The following PTGER3 variants were observed in gnomAD, a reference collection of about 807,000 sequenced individuals.
PTGER3 encodes prostaglandin E2 receptor EP3 subtype.
Under a neutral mutation model 34.7 loss-of-function variants are expected in PTGER3, and 22 were observed. The observed-to-expected ratio is 0.63, with a 90% CI of 0.45 to 0.91. The LOEUF (loss-of-function observed/expected upper bound fraction) is 0.91. Ranked by LOEUF, PTGER3 falls within the 40% of genes least tolerant of loss-of-function variation. PTGER3 has a pLI of 0.00. For missense variants in PTGER3, 468 were observed against 519.4 expected (o/e 0.90, Z 0.96); for synonymous variants, 241 against 230.1 (o/e 1.05, Z -0.43).
At chr1:71,039,642 T>C (rs1660122067) in intron 1 of PTGER3, among the ~76,000 whole-genome samples, 1 of 117,336 alleles carries the variant, frequency 8.5e-6, no homozygotes, top group Admixed American at 9.5e-5. Flanking sequence ...AGAGCGAGAC[T>C]CTGTCTCAAA....
intron 4 of PTGER3, among the ~76,000 whole-genome samples, chr1:70,932,833 T>C (rs1398620021): frequency 6.6e-6 from 1 of 152,076 alleles, no homozygotes; most frequent in Non-Finnish European, 1.5e-5. Context: ...ATTCTACCCT[T>C]CCTCAAGACT....
intron 1 of PTGER3, among the ~76,000 whole-genome samples, chr1:71,031,957 T>C (rs1659448785): frequency 6.6e-6 from 1 of 152,222 alleles, no homozygotes; most frequent in Admixed American, 6.5e-5. Flanking sequence ...CAAAAGCTAA[T>C]ATTAAGAAAT....
chr1:70,950,698 A>G (rs966749837), downstream of PTGER3: 1 of 151,902 alleles, frequency 6.6e-6, no homozygotes, highest in African/African-American at 2.4e-5. Flanking sequence ...ATTTCATGCT[A>G]TTCTTCTTCT....
At chr1:70,900,687 A>G (rs981328035) in intron 4 of PTGER3, among the ~76,000 whole-genome samples, 6 of 152,114 alleles carry the variant, frequency 3.9e-5, no homozygotes, top group Non-Finnish European at 8.8e-5. Flanking sequence ...TTTCAGCTCT[A>G]TATTTCATTT....
At chr1:71,015,571 C>T (rs1657820026) in intron 1 of PTGER3, among the ~76,000 whole-genome samples, 1 of 152,142 alleles carries the variant, frequency 6.6e-6, no homozygotes, top group African/African-American at 2.4e-5. Context: ...TCTTTTAATT[C>T]CCCATCTTCT....
chr1:70,970,517 G>T (rs901245987), downstream of PTGER3, among the ~76,000 whole-genome samples: 1 of 152,090 alleles, frequency 6.6e-6, no homozygotes, highest in African/African-American at 2.4e-5. Flanking sequence ...TGGCAGAAAC[G>T]ATATGTAGTC....
At chr1:70,997,240 C>G (rs1656076508) in intron 2 of PTGER3, 1 of 151,906 alleles carries the variant, frequency 6.6e-6, no homozygotes, top group Non-Finnish European at 1.5e-5. Flanking sequence ...CTACTGCACT[C>G]CAGCCTGGGT....
intron 4 of PTGER3, among the ~76,000 whole-genome samples, chr1:70,860,273 AAAT>A (rs1439413404): frequency 6.6e-6 from 1 of 152,226 alleles, no homozygotes; most frequent in Non-Finnish European, 1.5e-5. Flanking sequence ...ACAGGCACTC[AAAT>A]AATATTTTAT....
chr1:70,909,583 T>TA (rs1647020913), intron 4 of PTGER3, among the ~76,000 whole-genome samples: 1 of 152,096 alleles, frequency 6.6e-6, no homozygotes, highest in Non-Finnish European at 1.5e-5. Context: ...CCTCAAGTGT[T>TA]AGAGTTCACA....
intron 2 of PTGER3, among the ~76,000 whole-genome samples, chr1:70,982,034 G>A (rs1220512200): frequency 6.6e-6 from 1 of 152,040 alleles, no homozygotes; most frequent in Admixed American, 6.5e-5. Flanking sequence ...GACTATACTG[G>A]ACAGAGGTGG....
chr1:70,874,724 T>C (rs1179857308), intron 4 of PTGER3, among the ~76,000 whole-genome samples: 1 of 152,198 alleles, frequency 6.6e-6, no homozygotes, highest in Non-Finnish European at 1.5e-5. Flanking sequence ...TACTTCTGTT[T>C]GTTCCCTTCC....
At chr1:70,945,270 C>T (rs1226132175) in intron 4 of PTGER3, among the ~76,000 whole-genome samples, 1 of 152,104 alleles carries the variant, frequency 6.6e-6, no homozygotes, top group Non-Finnish European at 1.5e-5. Flanking sequence ...CAAGAAAATG[C>T]AACAAAACAC....
chr1:70,860,044 A>C (rs976334644), intron 4 of PTGER3, among the ~76,000 whole-genome samples: 10 of 138,380 alleles, frequency 7.2e-5, no homozygotes, highest in African/African-American at 2.7e-4. Context: ...GTAATATTAG[A>C]GTGGGTGGGG....
At chr1:70,904,498 C>T (rs59721750) in intron 4 of PTGER3, among the ~76,000 whole-genome samples, 8,124 of 152,190 alleles carry the variant, frequency 0.053, 611 homozygotes, top group South Asian at 0.21. Context: ...GTGATATGAA[C>T]GATAAAGTCC....
At chr1:70,884,407 T>C (rs1646455859) in intron 4 of PTGER3, among the ~76,000 whole-genome samples, 3 of 152,210 alleles carry the variant, frequency 2.0e-5, no homozygotes, top group African/African-American at 7.2e-5. Context: ...AGTTTCCTAG[T>C]CAACTGATTT....
At chr1:70,873,139 C>A (rs1203641819) in intron 4 of PTGER3, among the ~76,000 whole-genome samples, 2 of 152,136 alleles carry the variant, frequency 1.3e-5, no homozygotes, top group East Asian at 3.8e-4. Flanking sequence ...GTTTTCCACC[C>A]TGTAAAAATC....
chr1:71,019,343 T>C (rs538794471), intron 1 of PTGER3, among the ~76,000 whole-genome samples: 1 of 152,294 alleles, frequency 6.6e-6, no homozygotes, highest in African/African-American at 2.4e-5. Context: ...AATGATCTGG[T>C]CAAGGGAGTC....
rs33963138 is a variant in PTGER3 at position 70,979,304 on chromosome 1, GA to G, written c.1078-4917del. On this transcript the variant is annotated intron_variant, in intron 2 of 3. Transcript: ENST00000306666. The stretch of plus-strand genomic sequence containing the variant: ...TAGATATTATTTCTATTTTATAGGT[GA>G]AAAAAAAAAAAGCTGAGTGAAGTTG... 8.5e-3 allele frequency among the ~76,000 whole-genome samples: 1,194 copies of G among 140,796 alleles called. 17 individuals carry two copies. The highest frequency in any genetic ancestry group is 0.027 in the African/African-American group (1,032 of 38,736). The allele number at this position is 140,796 out of a possible 152,430, so 92.4% of individuals were successfully genotyped here. A position where few individuals can be genotyped will look rare whatever the true frequency, so the allele number is the denominator to read the frequency against.
At chr1:70,938,447 T>TA (rs895134487) in intron 4 of PTGER3, among the ~76,000 whole-genome samples, 31 of 151,390 alleles carry the variant, frequency 2.0e-4, no homozygotes, top group East Asian at 1.2e-3. Context: ...TGCTGTGTCT[T>TA]AAAAAAAAAC....
Sources: allele counts gnomAD v4.1 joint callset (sites outside exome capture counted in the v4.1 genomes callset), GRCh38; gene constraint gnomAD v4.1.1; transcripts MANE v1.5; gene names NCBI Gene and HGNC (gene_info 2026-07-23, HGNC 2026-07-21).